Variants in RADIL observed in about 807,000 individuals in gnomAD.
RADIL encodes ras-associating and dilute domain-containing protein.
RADIL carries 99 observed loss-of-function variants against 97.6 expected under a neutral mutation model. The ratio of observed to expected loss-of-function variants is 1.01; its 90% CI spans 0.86 to 1.20. The LOEUF is 1.20. Among genes scored for constraint, RADIL ranks in the 50% most tolerant of loss-of-function variants. The probability of loss-of-function intolerance (pLI) is 0.00; values close to 1 mark genes in which losing one functional copy is unlikely to be tolerated. For synonymous variants in RADIL, 803 were observed against 691.8 expected, an observed-to-expected ratio of 1.16 and a Z score of -2.52; for missense variants, 1,765 against 1,498.9, an observed-to-expected ratio of 1.18 and a Z score of -2.93.
chr7:4,881,271 C>T (rs527422395), intron 1 of RADIL, among the ~76,000 whole-genome samples: 1 of 142,802 alleles, frequency 7.0e-6, no homozygotes, highest in African/African-American at 2.6e-5. Context: ...AAAAATTAGC[C>T]AGGCGTGGTG....
chr7:4,817,469 G>GT lies in RADIL; in HGVS notation c.1616-119dup, dbSNP rs1782707280. 1 of 801,116 alleles carries GT rather than the reference G, an allele frequency of 1.2e-6. No homozygotes were observed. The highest frequency in any genetic ancestry group is 2.6e-5 in the Admixed American group (1 of 38,318). The allele number at this position is 801,116 out of a possible 1,614,324, so 49.6% of individuals were successfully genotyped here. A position where few individuals can be genotyped will look rare whatever the true frequency, so the allele number is the denominator to read the frequency against. On this transcript the variant is annotated intron_variant, in intron 6 of 14. Transcript: ENST00000399583. This position sits in a 1 kb window ranked among gnomAD's most constrained non-coding sequence, Gnocchi z 8.3. Reference sequence around the variant, plus strand: ...GCACCACCCAACGCGCCCATCTGGGGTCCAGATGCGATAAACTGGCCGAGG... The same window carrying GT: ...GCACCACCCAACGCGCCCATCTGGGGTTCCAGATGCGATAAACTGGCCGAGG...
At position 4,816,225 on chromosome 7, in the gene RADIL, CA is replaced by C; in HGVS notation, c.1966+2del. ...ACCCCTCAACCCTGCACGAGGCCCT[CA>C]CCCCTGTCGAGGAGCTGGTTGAGAA... is the stretch of plus-strand genomic sequence containing the variant. On this transcript the variant is annotated splice_donor_variant, in intron 8 of 14. Transcript: ENST00000399583. LOFTEE classifies it high-confidence loss of function. 6.2e-7 allele frequency: 1 copy of C among 1,607,678 alleles called. No individual in the cohort carries two copies. Among genetic ancestry groups the C allele is most frequent in the African/African-American group, 1.3e-5 (1 of 74,958 alleles).
intron 9 of RADIL, among the ~76,000 whole-genome samples, chr7:4,807,520 CGTCTCCCCTCCCTCCTCTCTCCCTCT>C (rs1414831684): frequency 5.2e-5 from 7 of 135,874 alleles, no homozygotes; most frequent in East Asian, 2.2e-4. Context: ...CCTCCCTCTC[CGTCTCCCCTCCCTCCTCTCTCCCTCT>C]GTCTCCCCTC....
At chr7:4,838,136 C>A in intron 2 of RADIL, 1 of 872,728 alleles carries the variant, frequency 1.1e-6, no homozygotes, top group Non-Finnish European at 1.4e-6. Context: ...GCTCACCACC[C>A]GTGCTCCTGC....
chr7:4,817,213 T>C lies in RADIL; in HGVS notation c.1728+26A>G. Reference sequence around the variant, plus strand: ...CACTTGATCCCAGGAGCTGCCTGAGTGCAGAAGCAGAGCCCGTCCGTGCAC... The same window carrying C: ...CACTTGATCCCAGGAGCTGCCTGAGCGCAGAAGCAGAGCCCGTCCGTGCAC... On this transcript the variant is annotated intron_variant, in intron 7 of 14. Coordinates refer to ENST00000399583, the MANE Select transcript of RADIL (RefSeq NM_018059.5). The surrounding 1 kb of genome is among the most constrained non-coding windows in gnomAD (Gnocchi z 8.3). The C allele has an allele frequency of 6.3e-7, 1 of 1,588,222 alleles. No individual in the cohort carries two copies. Among genetic ancestry groups the C allele is most frequent in the Non-Finnish European group, 8.6e-7 (1 of 1,161,570 alleles).
chr7:4,816,199 G>C (rs770028784), intron 8 of RADIL, 29 bp downstream of exon 8: 25 of 1,581,192 alleles, frequency 1.6e-5, no homozygotes, highest in Non-Finnish European at 1.9e-5. Flanking sequence ...GTGAGCCCCC[G>C]ACCCCTCAAC....
chr7:4,822,275 C>G lies in RADIL; in HGVS notation c.1615+119G>C. On this transcript the variant is annotated intron_variant, in intron 6 of 14. Transcript: ENST00000399583. The surrounding 1 kb of genome is among the most constrained non-coding windows in gnomAD (Gnocchi z 5.3). Reference sequence around the variant, plus strand: ...ATGGCAGCCTAGGGACTGAGGAAGCCCCCGGCATGAATCCACCCCTGCTAT... The same window carrying G: ...ATGGCAGCCTAGGGACTGAGGAAGCGCCCGGCATGAATCCACCCCTGCTAT... 7.9e-7 allele frequency: 1 copy of G among 1,269,564 alleles called. No homozygotes were observed. The highest frequency in any genetic ancestry group is 1.1e-6 in the Non-Finnish European group (1 of 942,840). The allele number at this position is 1,269,564 out of a possible 1,614,324, so 78.6% of individuals were successfully genotyped here. A position where few individuals can be genotyped will look rare whatever the true frequency, so the allele number is the denominator to read the frequency against.
At chr7:4,820,298 G>C (rs1305164689) in intron 6 of RADIL, among the ~76,000 whole-genome samples, 1 of 152,242 alleles carries the variant, frequency 6.6e-6, no homozygotes, top group Admixed American at 6.5e-5. Flanking sequence ...GACGGGCGCT[G>C]TAGTCCCGGG....
intron 2 of RADIL, chr7:4,860,191 A>G (rs1783946376): frequency 1.2e-6 from 2 of 1,613,914 alleles, no homozygotes; most frequent in African/African-American, 2.7e-5. Flanking sequence ...TCATAGTGCT[A>G]GTAGATGAAG....
At position 4,799,474 on chromosome 7, in the gene RADIL, G is replaced by C; in HGVS notation, c.3132C>G (p.Asp1044Glu). Residue 1044 changes from aspartate to glutamate, a missense_variant, in exon 15 of 15, where the codon GAC becomes GAG. Asp to Glu is a conservative substitution (Grantham distance 45). Transcript: ENST00000399583. ...TCTTCTTCCCGCCATGACGGATCAG[G>C]TCCACAGCTCTGAAATCCATGCCAG... ...LLGLGYLRAV[D>E]LIRHGGKKMR... The C allele has an allele frequency of 1.2e-6, 2 of 1,613,956 alleles. No individual in the cohort carries two copies. The highest frequency in any genetic ancestry group is 8.5e-7 in the Non-Finnish European group (1 of 1,180,002).
chr7:4,822,497 C>A lies in RADIL; in HGVS notation c.1512G>T (p.Gln504His), dbSNP rs1214019641. The change falls in exon 6 of 15, where the codon CAG becomes CAT. Residue 504 changes from glutamine (Q) to histidine (H), a missense_variant. Physicochemically the swap from Gln to His is conservative, Grantham distance 24. Coordinates refer to ENST00000399583, the MANE Select transcript of RADIL (RefSeq NM_018059.5). The surrounding 1 kb of genome is among the most constrained non-coding windows in gnomAD (Gnocchi z 5.3). ...CAMADLVPDLQPILFWMSNSI... is the reference protein window; with the variant it reads ...CAMADLVPDLHPILFWMSNSI... ...AGTTAGACATCCAGAAAAGAATGGG[C>A]TGCAAGTCTGGAACCAGATCAGCCA... 1.9e-6 allele frequency: 3 copies of A among 1,612,970 alleles called. No individual in the cohort carries two copies. The highest frequency in any genetic ancestry group is 2.5e-6 in the Non-Finnish European group (3 of 1,180,022).
At position 4,813,075 on chromosome 7, in the gene RADIL, T is replaced by TCTCC. The variant is rs2115183354; in HGVS notation, c.2139+2202_2139+2203insGGAG. Among the ~76,000 whole-genome samples the TCTCC allele has an allele frequency of 2.7e-5, 3 of 110,618 alleles. No individual in the cohort carries two copies. The South Asian group carries it at 7.6e-4, about 28-fold the overall frequency. 72.6% of individuals were successfully genotyped at this position (110,618 alleles called of 152,430 possible). A position where few individuals can be genotyped will look rare whatever the true frequency, so the allele number is the denominator to read the frequency against. The stretch of plus-strand genomic sequence containing the variant: ...TCATCCTTACCCCAAGGTTCTTCTT[T>TCTCC]CTCTCTCTCTCTCTCTCTCTCTCTC... On this transcript the variant is annotated intron_variant, in intron 9 of 14. Coordinates refer to ENST00000399583, the MANE Select transcript of RADIL (RefSeq NM_018059.5). The surrounding 1 kb of genome is among the most constrained non-coding windows in gnomAD (Gnocchi z 5.0).
At chr7:4,870,942 A>T (rs1239114078) in intron 2 of RADIL, among the ~76,000 whole-genome samples, 2 of 152,194 alleles carry the variant, frequency 1.3e-5, no homozygotes, top group African/African-American at 4.8e-5. Flanking sequence ...TCTATGATCA[A>T]ACTGAAGGTT....
Position 4,797,707 on chromosome 7 carries a change from A to G in RADIL, c.*1671T>C, listed in dbSNP as rs937058411. 1 of 152,252 alleles carries G rather than the reference A, an allele frequency of 6.6e-6. No individual in the cohort carries two copies. Among genetic ancestry groups the G allele is most frequent in the Non-Finnish European group, 1.5e-5 (1 of 68,042 alleles). 9.4% of individuals were successfully genotyped at this position (152,252 alleles called of 1,614,324 possible). A position where few individuals can be genotyped will look rare whatever the true frequency, so the allele number is the denominator to read the frequency against. On this transcript the variant is annotated 3_prime_UTR_variant, in exon 15 of 15. Coordinates refer to ENST00000399583, the MANE Select transcript of RADIL (RefSeq NM_018059.5). ...GAAAAGAAACAGAACAAGGCCAGGC[A>G]TGGTAATCCCACGCCTGTAATCCCA...
intron 2 of RADIL, among the ~76,000 whole-genome samples, chr7:4,857,040 A>G (rs1031266409): frequency 1.3e-5 from 2 of 152,184 alleles, no homozygotes; most frequent in Non-Finnish European, 2.9e-5. Context: ...TTTCCCTTCT[A>G]TTTTTATCTG....
chr7:4,836,621 C>G lies in RADIL; in HGVS notation c.536-16G>C, dbSNP rs761058084. ...GCGTTTATCCCTGGAACAGAAGCAA[C>G]ACAAGGTGAACAGTTAGAAGTCTCA... is the stretch of plus-strand genomic sequence containing the variant. On this transcript the variant is annotated splice_polypyrimidine_tract_variant and intron_variant, in intron 2 of 14. Coordinates refer to ENST00000399583, the MANE Select transcript of RADIL (RefSeq NM_018059.5). 5.0e-6 allele frequency: 8 copies of G among 1,604,902 alleles called. No homozygotes were observed. In the East Asian group the frequency reaches 1.8e-4, roughly 36 times the overall value.
intron 9 of RADIL, among the ~76,000 whole-genome samples, chr7:4,806,421 A>G (rs146038266): frequency 4.6e-5 from 7 of 152,222 alleles, no homozygotes; most frequent in Admixed American, 1.3e-4. Context: ...TCCTGGCCTC[A>G]AGCAATCCTC....
At position 4,840,334 on chromosome 7, in the gene RADIL, C is replaced by A. The variant is rs368258550; in HGVS notation, c.536-3729G>T. Among the ~76,000 whole-genome samples, 2 of 152,220 alleles carry A rather than the reference C, an allele frequency of 1.3e-5. No individual in the cohort carries two copies. The highest frequency in any genetic ancestry group is 1.5e-5 in the Non-Finnish European group (1 of 68,044). On this transcript the variant is annotated intron_variant, in intron 2 of 14. Transcript: ENST00000399583. The surrounding 1 kb of genome is among the most constrained non-coding windows in gnomAD (Gnocchi z 5.6). ...CAGACCCAGGGCGGATCTGCCTCAA[C>A]TGGGACAGAAAGTGCCCCCACTTGG...
intron 2 of RADIL, among the ~76,000 whole-genome samples, chr7:4,836,925 C>T (rs1167337572): frequency 1.3e-5 from 2 of 151,952 alleles, no homozygotes; most frequent in Non-Finnish European, 2.9e-5. Context: ...GTGACAAGAG[C>T]GAAACTCCAT....
Sources: gnomAD v4.1 joint callset for allele counts (sites outside exome capture counted in the v4.1 genomes callset) on GRCh38, gnomAD v4.1.1 for gene constraint, Gnocchi (gnomAD v3.1) non-coding constraint, MANE v1.5 for transcripts, NCBI Gene and HGNC (gene_info 2026-07-23, HGNC 2026-07-21) for gene names.